Variants in BAIAP2 observed in about 807,000 individuals in gnomAD.
BAIAP2 encodes the protein BAR/IMD domain-containing adapter protein 2.
Under a neutral mutation model 63.0 loss-of-function variants are expected in BAIAP2, and 18 were observed. The observed-to-expected ratio is 0.29, with a 90% CI of 0.20 to 0.42. BAIAP2 has a LOEUF of 0.42. Ranked by LOEUF, BAIAP2 falls within the 10% of genes least tolerant of loss-of-function variation. The pLI is 1.00. For synonymous variants in BAIAP2, 386 were observed against 307.6 expected (o/e 1.25, Z -2.67); for missense variants, 610 against 734.3 (o/e 0.83, Z 1.96).
At chr17:81,112,659 C>T (rs554210554) in intron 13 of BAIAP2, among the ~76,000 whole-genome samples, 77 of 152,362 alleles carry the variant, frequency 5.1e-4, no homozygotes, top group Non-Finnish European at 1.0e-3. Flanking sequence ...TGCTGTCCGC[C>T]CGGCTCTGGG....
At chr17:81,096,682 C>CA (rs1568161498) in intron 6 of BAIAP2, among the ~76,000 whole-genome samples, 1 of 152,262 alleles carries the variant, frequency 6.6e-6, no homozygotes, top group Non-Finnish European at 1.5e-5. Context: ...GTCCAGCAGC[C>CA]AGGCTGAGGC....
intron 6 of BAIAP2, among the ~76,000 whole-genome samples, chr17:81,092,055 T>C (rs1418781408): frequency 2.6e-5 from 4 of 152,168 alleles, no homozygotes; most frequent in Non-Finnish European, 5.9e-5. Context: ...ACTCTGGTCT[T>C]TGGGGGTGTA....
At chr17:81,064,085 T>A (rs1008615348) in intron 3 of BAIAP2, among the ~76,000 whole-genome samples, 1 of 152,278 alleles carries the variant, frequency 6.6e-6, no homozygotes, top group Admixed American at 6.5e-5. Context: ...TGTGGCCTTG[T>A]GGCCATATGG....
chr17:81,093,674 C>T (rs1480494740), intron 6 of BAIAP2, among the ~76,000 whole-genome samples: 1 of 152,102 alleles, frequency 6.6e-6, no homozygotes, highest in Non-Finnish European at 1.5e-5. Flanking sequence ...CCCCCAGGAT[C>T]CCCCCTCCGG....
chr17:81,059,274 TCCCCGGG>T (rs943073539), intron 3 of BAIAP2, among the ~76,000 whole-genome samples: 2 of 151,890 alleles, frequency 1.3e-5, no homozygotes, highest in Non-Finnish European at 2.9e-5. Context: ...CTGGGCGGGG[TCCCCGGG>T]CCTCCGCAGA....
intron 2 of BAIAP2, chr17:81,057,440 G>A (rs1200791693): frequency 6.3e-6 from 1 of 158,294 alleles, no homozygotes; most frequent in Admixed American, 6.5e-5. Flanking sequence ...GAAGCAATTG[G>A]AAATAGTTCT....
At chr17:81,069,320 G>A (rs1189998022) in intron 3 of BAIAP2, among the ~76,000 whole-genome samples, 1 of 152,240 alleles carries the variant, frequency 6.6e-6, no homozygotes, top group Non-Finnish European at 1.5e-5. Flanking sequence ...CCCAGCCAGA[G>A]CACGCACGCG....
rs571144040 is a variant in BAIAP2, at chr17:81,066,700, A to G, written c.217+8733A>G. Reference sequence around the variant, plus strand: ...CTGTCCCCAGTGGCTCCCGTTGGCCAAAGTGGCTCGGAAGCACCATCTCAT... The same window carrying G: ...CTGTCCCCAGTGGCTCCCGTTGGCCGAAGTGGCTCGGAAGCACCATCTCAT... On this transcript the variant is annotated intron_variant, in intron 3 of 13. Transcript: ENST00000428708. 5.9e-5 allele frequency among the ~76,000 whole-genome samples: 9 copies of G among 152,346 alleles called. No individual in the cohort carries two copies. The East Asian group carries it at 1.5e-3, about 26-fold the overall frequency.
chr17:81,093,148 A>G (rs999515403), intron 6 of BAIAP2, among the ~76,000 whole-genome samples: 1 of 151,300 alleles, frequency 6.6e-6, no homozygotes, highest in Non-Finnish European at 1.5e-5. Context: ...CGAGGACCTG[A>G]GTGTGAGGAG....
chr17:81,105,002 G>T (rs935821807), intron 10 of BAIAP2: 10 of 350,304 alleles, frequency 2.9e-5, no homozygotes, highest in Admixed American at 8.6e-5. Context: ...CAACGGCAGG[G>T]ATCTCCCCCA....
chr17:81,107,072 C>T (rs1347482204), intron 12 of BAIAP2, 165 bp downstream of exon 12: 2 of 837,836 alleles, frequency 2.4e-6, no homozygotes, highest in African/African-American at 3.6e-5. Context: ...GTACACACCC[C>T]TGCTTCGGCC....
At chr17:81,056,943 T>TCTGTTGCGTTTTTCTGCTG (rs2049685567) in intron 2 of BAIAP2, among the ~76,000 whole-genome samples, 4 of 48,596 alleles carry the variant, frequency 8.2e-5, no homozygotes, top group East Asian at 1.3e-3. Context: ...GCGTTTTTCT[T>TCTGTTGCGTTTTTCTGCTG]TTGTTCGAGG....
chr17:81,062,845 C>T (rs372520794), intron 3 of BAIAP2, among the ~76,000 whole-genome samples: 100 of 152,102 alleles, frequency 6.6e-4, no homozygotes, highest in Admixed American at 1.1e-3. Flanking sequence ...CTCACACCGT[C>T]GTCTTCCAGC....
chr17:81,085,281 C>T, intron 4 of BAIAP2: 1 of 504,716 alleles, frequency 2.0e-6, no homozygotes, highest in South Asian at 2.1e-5. Context: ...TGGTTTGCAG[C>T]ATCCTGTCTA....
intron 1 of BAIAP2, among the ~76,000 whole-genome samples, chr17:81,052,897 C>T (rs1057108895): frequency 6.6e-6 from 1 of 152,132 alleles, no homozygotes; most frequent in Non-Finnish European, 1.5e-5. Context: ...CCGGAAGACA[C>T]GGGAGGTGGC....
chr17:81,057,594 C>T (rs921159200), intron 2 of BAIAP2: 10 of 1,107,698 alleles, frequency 9.0e-6, no homozygotes, highest in Admixed American at 1.0e-4. Flanking sequence ...CCTGGTAGCA[C>T]GTGATAGGGA....
intron 6 of BAIAP2, among the ~76,000 whole-genome samples, chr17:81,095,797 A>G (rs1162964791): frequency 6.6e-6 from 1 of 151,804 alleles, no homozygotes; most frequent in Non-Finnish European, 1.5e-5. Flanking sequence ...CCTGTGTGCC[A>G]CTCCCAGCCA....
intron 3 of BAIAP2, among the ~76,000 whole-genome samples, chr17:81,084,222 G>A (rs1568135325): frequency 2.0e-5 from 3 of 152,216 alleles, no homozygotes; most frequent in African/African-American, 7.2e-5. Flanking sequence ...GCTGCCTGGT[G>A]AGCCTATCCC....
At chr17:81,095,733 C>T (rs865977203) in intron 6 of BAIAP2, among the ~76,000 whole-genome samples, 2 of 152,138 alleles carry the variant, frequency 1.3e-5, no homozygotes, top group African/African-American at 2.4e-5. Flanking sequence ...GCCAGAGCAC[C>T]GTGCAGCCGT....
Sources: gnomAD v4.1 joint callset for allele counts (sites outside exome capture counted in the v4.1 genomes callset) on GRCh38, gnomAD v4.1.1 for gene constraint, MANE v1.5 for transcripts, NCBI Gene and HGNC (gene_info 2026-07-23, HGNC 2026-07-21) for gene names.